DMD: variants seen among roughly 807,000 people sequenced by gnomAD.
The protein encoded by DMD is mutant dystrophin.
Under a neutral mutation model 330.1 loss-of-function variants are expected in DMD, and 63 were observed. The observed-to-expected ratio is 0.19, with a 90% CI of 0.16 to 0.24. DMD has a LOEUF of 0.24. Ranked by LOEUF, DMD falls within the 10% of genes least tolerant of loss-of-function variation. DMD has a pLI of 1.00. For synonymous variants in DMD, 1,223 were observed against 959.8 expected (o/e 1.27, Z -5.07); for missense variants, 3,344 against 2,684.1 (o/e 1.25, Z -5.43).
At chrX:33,109,882 A>G (rs1045799319) in intron 1 of DMD, among the ~76,000 whole-genome samples, 2 of 111,745 alleles carry the variant, frequency 1.8e-5, no homozygotes, top group African/African-American at 6.5e-5. Context: ...AATGATTAAT[A>G]AAAACTGCTT....
intron 43 of DMD, among the ~76,000 whole-genome samples, chrX:32,277,047 T>C (rs1220677477): frequency 8.9e-6 from 1 of 111,781 alleles, no homozygotes; most frequent in Admixed American, 9.5e-5. Flanking sequence ...AGAAGCACTC[T>C]TCACCTATAA....
chrX:32,623,938 ATTT>A (rs2058172521), intron 11 of DMD, among the ~76,000 whole-genome samples: 1 of 111,458 alleles, frequency 9.0e-6, no homozygotes, highest in African/African-American at 3.3e-5. Context: ...GCACTATTTT[ATTT>A]TTTTCATGGG....
chrX:31,824,424 G>A (rs1052861055), intron 49 of DMD, among the ~76,000 whole-genome samples: 4 of 110,246 alleles, frequency 3.6e-5, no homozygotes, highest in Non-Finnish European at 5.7e-5. Flanking sequence ...CACCACACCC[G>A]GGTAATTTTT....
At chrX:31,756,430 G>A (rs1311580629) in intron 51 of DMD, among the ~76,000 whole-genome samples, 1 of 108,101 alleles carries the variant, frequency 9.3e-6, no homozygotes, top group Admixed American at 1.0e-4. Context: ...ATGTTTCCAC[G>A]TATTTATACC....
At chrX:31,250,665 A>C (rs1467050382) in intron 63 of DMD, among the ~76,000 whole-genome samples, 2 of 111,718 alleles carry the variant, frequency 1.8e-5, no homozygotes, top group Non-Finnish European at 3.8e-5. Context: ...AATTCATCTC[A>C]TGGAGCAGGG....
chrX:32,010,884 A>G (rs2095702946), intron 44 of DMD, among the ~76,000 whole-genome samples: 1 of 112,286 alleles, frequency 8.9e-6, no homozygotes, highest in African/African-American at 3.2e-5. Flanking sequence ...TTGCTTCTAC[A>G]GGAGCTACCC....
At chrX:32,070,566 GATAA>G (rs2096288626) in intron 44 of DMD, among the ~76,000 whole-genome samples, 1 of 110,773 alleles carries the variant, frequency 9.0e-6, no homozygotes, top group South Asian at 3.8e-4. Context: ...TCGACAAGTA[GATAA>G]AGAAACTGCG....
intron 44 of DMD, among the ~76,000 whole-genome samples, chrX:32,091,208 A>AT (rs1243476302): frequency 8.9e-6 from 1 of 111,935 alleles, no homozygotes; most frequent in Non-Finnish European, 1.9e-5. Context: ...ATTTTCTTCG[A>AT]TTTTTTTCAG....
chrX:32,323,516 A>C (rs2148673635), intron 41 of DMD, among the ~76,000 whole-genome samples: 1 of 106,689 alleles, frequency 9.4e-6, no homozygotes, highest in South Asian at 3.7e-4. Context: ...AAATAAAATT[A>C]TAAATTATTT....
chrX:33,215,511 A>G (rs774605951), upstream of DMD, among the ~76,000 whole-genome samples: 17 of 111,170 alleles, frequency 1.5e-4, no homozygotes, highest in Non-Finnish European at 2.5e-4. Flanking sequence ...GCTTTGCAGA[A>G]GCTCTTTGGC....
rs149720890 is a variant in DMD, at chrX:31,535,756, G to C, written c.8218-28303C>G. 3.5e-4 allele frequency among the ~76,000 whole-genome samples: 39 copies of C among 112,028 alleles called. No homozygotes were observed. In the East Asian group the frequency reaches 9.3e-3, roughly 27 times the overall value. ...CCAAAAGTGTGATGGTAGGACTATA[G>C]TTTGCCATTGTCCCTTCATTCATTC... On this transcript the variant is annotated intron_variant, in intron 55 of 78. Transcript: ENST00000357033.
intron 17 of DMD, among the ~76,000 whole-genome samples, chrX:32,535,837 T>A (rs1238720197): frequency 1.8e-5 from 2 of 112,190 alleles, no homozygotes; most frequent in East Asian, 2.8e-4. Flanking sequence ...ATGAGCTGAC[T>A]TCTGCTTTAT....
chrX:31,978,069 G>A (rs1389758192), intron 44 of DMD, among the ~76,000 whole-genome samples: 1 of 111,750 alleles, frequency 8.9e-6, no homozygotes, highest in Non-Finnish European at 1.9e-5. Flanking sequence ...ATTATCAAAT[G>A]TAAATCTTTT....
chrX:31,602,374 A>T (rs1401827978), intron 55 of DMD, among the ~76,000 whole-genome samples: 18 of 109,188 alleles, frequency 1.6e-4, no homozygotes, highest in African/African-American at 6.0e-4. Context: ...TCTGCTAGCC[A>T]AAACAGTCAT....
At chrX:32,702,098 A>G (rs2064189104) in intron 7 of DMD, among the ~76,000 whole-genome samples, 1 of 112,007 alleles carries the variant, frequency 8.9e-6, no homozygotes, top group Non-Finnish European at 1.9e-5. Context: ...ATTATATTCA[A>G]AGTATTTTAA....
chrX:32,706,479 G>A (rs542845143), intron 7 of DMD, among the ~76,000 whole-genome samples: 2 of 110,092 alleles, frequency 1.8e-5, no homozygotes, highest in African/African-American at 3.3e-5. Context: ...TTAGAGAATC[G>A]CTTGAACCAG....
At chrX:32,377,737 T>C (rs2097909572) in intron 34 of DMD, among the ~76,000 whole-genome samples, 1 of 111,752 alleles carries the variant, frequency 8.9e-6, no homozygotes, top group Non-Finnish European at 1.9e-5. Context: ...GGAAAGCATA[T>C]TCACAGAAGG....
intron 18 of DMD, among the ~76,000 whole-genome samples, chrX:32,510,556 C>T (rs2045181351): frequency 9.0e-6 from 1 of 111,627 alleles, no homozygotes; most frequent in Admixed American, 9.6e-5. Flanking sequence ...TACTCTATCC[C>T]AAGTCTCCAT....
intron 54 of DMD, among the ~76,000 whole-genome samples, chrX:31,653,549 T>C (rs1447054868): frequency 1.8e-5 from 2 of 109,947 alleles, no homozygotes; most frequent in Non-Finnish European, 3.8e-5. Flanking sequence ...GAAGCCCTCA[T>C]ACAGCTACAA....
Sources: allele counts gnomAD v4.1 joint callset (sites outside exome capture counted in the v4.1 genomes callset), GRCh38; gene constraint gnomAD v4.1.1; transcripts MANE v1.5; gene names NCBI Gene and HGNC (gene_info 2026-07-23, HGNC 2026-07-21).